The following LRRK1 variants were observed in gnomAD, a reference collection of about 807,000 sequenced individuals.
LRRK1 encodes leucine rich repeat kinase 1, also known as leucine-rich repeat serine/threonine-protein kinase 1.
Under a neutral mutation model 209.1 loss-of-function variants are expected in LRRK1, and 113 were observed. The ratio of observed to expected loss-of-function variants is 0.54; its 90% confidence interval spans 0.46 to 0.63. The LOEUF (loss-of-function observed/expected upper bound fraction) is 0.63, where lower values mean the gene tolerates loss of function less well. Ranked by LOEUF, LRRK1 falls within the 30% of genes least tolerant of loss-of-function variation. The pLI, the probability that LRRK1 is intolerant of heterozygous loss-of-function variation, is 0.00. For missense variants in LRRK1, 2,284 were observed against 2,632.2 expected, an observed-to-expected ratio of 0.87 and a Z score of 2.89; for synonymous variants, 1,144 against 1,099.7, an observed-to-expected ratio of 1.04 and a Z score of -0.80.
chr15:100,945,266 C>A (rs2042513583), intron 2 of LRRK1, among the ~76,000 whole-genome samples: 1 of 152,074 alleles, frequency 6.6e-6, no homozygotes. Flanking sequence ...CCTGTTTATG[C>A]CCCAATCCCT....
chr15:100,985,642 A>G lies in LRRK1; in HGVS notation c.433+1943A>G, dbSNP rs564988930. ...TACTTGGCAGACAAGTGAAGGAAGG[A>G]CTTGGGTTGCCTGCTTTTGCAGAGC... is the stretch of plus-strand genomic sequence containing the variant. On this transcript the variant is annotated intron_variant, in intron 4 of 33. Transcript: ENST00000388948. Among the ~76,000 whole-genome samples, 5 of 152,266 alleles carry G rather than the reference A, an allele frequency of 3.3e-5. No homozygotes were observed. The East Asian group carries it at 9.7e-4, about 29-fold the overall frequency.
At chr15:100,995,544 A>C (rs764905165) in intron 6 of LRRK1, among the ~76,000 whole-genome samples, 1 of 152,236 alleles carries the variant, frequency 6.6e-6, no homozygotes, top group Non-Finnish European at 1.5e-5. Context: ...TAAAGCTGCT[A>C]AAGTTTTGCC....
At position 101,042,617 on chromosome 15, in the gene LRRK1, G is replaced by A. The variant is rs116744952; in HGVS notation, c.2964-3364G>A. On this transcript the variant is annotated intron_variant, in intron 20 of 33. Transcript: ENST00000388948. ...GTTATGCTGTCAGCCCTTGAGCATTGGGCAGCACACTTCTCTGCCTCCCCA... is the reference window on the plus strand; with the variant it reads ...GTTATGCTGTCAGCCCTTGAGCATTAGGCAGCACACTTCTCTGCCTCCCCA... Among the ~76,000 whole-genome samples, 461 of 152,216 alleles carry A rather than the reference G, an allele frequency of 3.0e-3. 2 individuals are homozygous for A. Among genetic ancestry groups the A allele is most frequent in the African/African-American group, 0.011 (438 of 41,526 alleles).
intron 6 of LRRK1, among the ~76,000 whole-genome samples, chr15:101,002,347 A>G (rs981553015): frequency 1.3e-5 from 2 of 152,250 alleles, no homozygotes; most frequent in Admixed American, 6.5e-5. Flanking sequence ...AAGCAATCCA[A>G]GTCACCACCA....
intron 2 of LRRK1, among the ~76,000 whole-genome samples, chr15:100,964,114 C>T (rs920497880): frequency 6.6e-6 from 1 of 152,060 alleles, no homozygotes; most frequent in African/African-American, 2.4e-5. Flanking sequence ...AGTGAGAGCC[C>T]GCAGAGCCCG....
In LRRK1 at chr15:101,030,329, C is replaced by T. The variant is rs925909454; in HGVS notation, c.2963+1097C>T. On this transcript the variant is annotated intron_variant, in intron 20 of 33. Coordinates refer to ENST00000388948, the MANE Select transcript of LRRK1 (RefSeq NM_024652.6). ...CCAGCCCGCAGTGTCCTCAGCAGGC[C>T]CCTCCCCTGCACTTTGCCCAAGCCA... Among the ~76,000 whole-genome samples, 4 of 152,198 alleles carry T rather than the reference C, an allele frequency of 2.6e-5. No homozygotes were observed. In the South Asian group the frequency reaches 8.3e-4, roughly 32 times the overall value.
chr15:101,013,751 G>A (rs773787820), intron 10 of LRRK1, among the ~76,000 whole-genome samples: 3 of 152,168 alleles, frequency 2.0e-5, no homozygotes, highest in Non-Finnish European at 2.9e-5. Flanking sequence ...GGCTACCCAC[G>A]AGGGGCACCC....
chr15:100,928,305 A>C (rs1013881892), intron 2 of LRRK1, among the ~76,000 whole-genome samples: 1 of 152,126 alleles, frequency 6.6e-6, no homozygotes, highest in Non-Finnish European at 1.5e-5. Context: ...ACTTACTATG[A>C]CTGCAGCTGA....
In LRRK1 at chr15:101,029,739, A is replaced by G. The variant is rs181263207; in HGVS notation, c.2963+507A>G. Among the ~76,000 whole-genome samples the G allele has an allele frequency of 5.8e-3, 880 of 152,208 alleles. 5 individuals are homozygous for G. The highest frequency in any genetic ancestry group is 0.02 in the African/African-American group (843 of 41,522). ...AAAAATTAGCCGGGCATGGTGGTGC[A>G]TGCCTGTAATCCCAGCTACTTGGGA... On this transcript the variant is annotated intron_variant, in intron 20 of 33. Transcript: ENST00000388948.
chr15:101,067,420 A>AGTGTGT (rs2036593057), intron 33 of LRRK1: 2 of 346,952 alleles, frequency 5.8e-6, no homozygotes, highest in South Asian at 2.0e-5. Context: ...CCTCAGTTCA[A>AGTGTGT]ATGTGTGTGT....
chr15:100,993,492 C>T (rs2032260559), intron 6 of LRRK1, among the ~76,000 whole-genome samples: 1 of 152,186 alleles, frequency 6.6e-6, no homozygotes, highest in Admixed American at 6.5e-5. Context: ...GGCTTTATGA[C>T]TCATCAATAC....
At chr15:100,944,471 A>T (rs1255167333) in intron 2 of LRRK1, among the ~76,000 whole-genome samples, 9 of 152,198 alleles carry the variant, frequency 5.9e-5, no homozygotes, top group Non-Finnish European at 1.3e-4. Context: ...ATCTTTTACA[A>T]GGATGGGTTT....
intron 31 of LRRK1, among the ~76,000 whole-genome samples, chr15:101,064,109 G>A (rs374920242): frequency 4.6e-5 from 7 of 152,400 alleles, no homozygotes; most frequent in South Asian, 4.1e-4. Flanking sequence ...CAGCCGGGAC[G>A]TGGCACTCAC....
chr15:100,953,338 T>C (rs1353628084), intron 2 of LRRK1, among the ~76,000 whole-genome samples: 1 of 152,174 alleles, frequency 6.6e-6, no homozygotes, highest in East Asian at 1.9e-4. Flanking sequence ...TTCTTTAATT[T>C]GGACTTTTTA....
intron 20 of LRRK1, among the ~76,000 whole-genome samples, chr15:101,042,506 G>A (rs1438748170): frequency 6.6e-6 from 1 of 151,956 alleles, no homozygotes; most frequent in African/African-American, 2.4e-5. Flanking sequence ...CTGCCCCTCC[G>A]AGAGCTCTGC....
intron 6 of LRRK1, among the ~76,000 whole-genome samples, chr15:100,992,756 C>T (rs1596246589): frequency 6.6e-6 from 1 of 152,132 alleles, no homozygotes; most frequent in African/African-American, 2.4e-5. Context: ...GTAACCTCCA[C>T]CTCCCGGGTC....
intron 2 of LRRK1, among the ~76,000 whole-genome samples, chr15:100,969,941 T>G (rs1457122929): frequency 6.6e-6 from 1 of 151,968 alleles, no homozygotes; most frequent in African/African-American, 2.4e-5. Context: ...TAGGCTGAAG[T>G]GCAGTGGTGC....
At chr15:100,996,263 C>T (rs772561601) in intron 6 of LRRK1, among the ~76,000 whole-genome samples, 14 of 152,258 alleles carry the variant, frequency 9.2e-5, no homozygotes, top group Non-Finnish European at 1.2e-4. Flanking sequence ...GCGCCACATA[C>T]CCTCTTCTCA....
intron 7 of LRRK1, 26 bp from the exon 8 acceptor site, chr15:101,010,424 C>G: frequency 4.4e-6 from 7 of 1,594,078 alleles, no homozygotes; most frequent in South Asian, 3.5e-5. Context: ...TATTCTGATG[C>G]CTGCCTTCCT....
Sources: gnomAD v4.1 joint callset for allele counts (sites outside exome capture counted in the v4.1 genomes callset) on GRCh38, gnomAD v4.1.1 for gene constraint, MANE v1.5 for transcripts, NCBI Gene and HGNC (gene_info 2026-07-23, HGNC 2026-07-21) for gene names.